Variants in CDYL observed in about 807,000 individuals in gnomAD.
CDYL encodes the protein chromodomain Y like.
In CDYL, 8 loss-of-function variants were observed where a neutral mutation model predicts 47.3. The observed-to-expected ratio is 0.17, with a 90% CI of 0.10 to 0.31. The LOEUF (loss-of-function observed/expected upper bound fraction) is 0.31, where lower values mean the gene tolerates loss of function less well. Among genes scored for constraint, CDYL ranks in the 10% least tolerant of loss-of-function variants. CDYL has a pLI of 1.00. For synonymous variants in CDYL, 266 were observed against 265.0 expected (o/e 1.00, Z -0.04); for missense variants, 471 against 701.4 (o/e 0.67, Z 3.71).
chr6:4,806,576 T>C (rs973259358), intron 1 of CDYL, among the ~76,000 whole-genome samples: 1 of 152,218 alleles, frequency 6.6e-6, no homozygotes, highest in Admixed American at 6.5e-5. Flanking sequence ...GGAAAGTCTT[T>C]GGGAGGAGCT....
intron 1 of CDYL, among the ~76,000 whole-genome samples, chr6:4,824,573 ATTGTTG>A (rs1168556387): frequency 2.6e-5 from 4 of 151,936 alleles, no homozygotes; most frequent in African/African-American, 9.7e-5. Flanking sequence ...GTTATTTGTC[ATTGTTG>A]TTGAGTTTTG....
intron 2 of CDYL, among the ~76,000 whole-genome samples, chr6:4,906,743 G>C (rs1757248973): frequency 6.6e-6 from 1 of 152,200 alleles, no homozygotes; most frequent in South Asian, 2.1e-4. Context: ...AGCAAACCAA[G>C]AGGAAGAGTG....
chr6:4,850,857 T>C (rs1760803654), intron 1 of CDYL, among the ~76,000 whole-genome samples: 1 of 152,126 alleles, frequency 6.6e-6, no homozygotes, highest in South Asian at 2.1e-4. Flanking sequence ...TTTGAAAAAA[T>C]GTATAATTTG....
At chr6:4,734,179 A>G (rs1026855322) in intron 2 of CDYL, among the ~76,000 whole-genome samples, 1 of 151,924 alleles carries the variant, frequency 6.6e-6, no homozygotes, top group African/African-American at 2.4e-5. Flanking sequence ...TCGGGAAGGG[A>G]GGGGAAAGGA....
In CDYL at chr6:4,935,721, C is replaced by T. The variant is rs765624666; in HGVS notation, c.898C>T (p.His300Tyr). 8.1e-6 allele frequency: 13 copies of T among 1,614,132 alleles called. No individual in the cohort carries two copies. Among genetic ancestry groups the T allele is most frequent in the African/African-American group, 1.3e-5 (1 of 74,946 alleles). Residue 300 changes from histidine to tyrosine, a missense_variant, in exon 3 of 7, where the codon CAC becomes TAC. His to Tyr is a moderately conservative substitution (Grantham distance 83). Transcript: ENST00000397588. ...GGTCAGGAAGCAGGATGGCTTCACCCACATCTTGTTATCCACAAAGTCCTC... is the reference window on the plus strand; with the variant it reads ...GGTCAGGAAGCAGGATGGCTTCACCTACATCTTGTTATCCACAAAGTCCTC... The part of the protein sequence containing the change: ...IVVRKQDGFT[H>Y]ILLSTKSSEN...
At chr6:4,794,060 G>A (rs1169149691) in intron 1 of CDYL, among the ~76,000 whole-genome samples, 1 of 152,082 alleles carries the variant, frequency 6.6e-6, no homozygotes, top group East Asian at 1.9e-4. Flanking sequence ...GAGAATTTTA[G>A]GAGTTATCCA....
In CDYL at chr6:4,769,636, T is replaced by C. The variant is rs1758306785; in HGVS notation, c.186+34792T>C. Among the ~76,000 whole-genome samples, 4 of 152,220 alleles carry C rather than the reference T, an allele frequency of 2.6e-5. No homozygotes were observed. The South Asian group carries it at 8.3e-4, about 32-fold the overall frequency. ...TTATTTGAAAATAATTTTTCAATGA[T>C]TCTGCTTTGCTGGTACCCAAGCATG... On this transcript the variant is annotated intron_variant, in intron 3 of 8. Transcript: ENST00000328908.
intron 1 of CDYL, among the ~76,000 whole-genome samples, chr6:4,887,968 C>A (rs548003814): frequency 1.3e-5 from 2 of 151,486 alleles, no homozygotes; most frequent in Non-Finnish European, 2.9e-5. Context: ...GATTTTTTCC[C>A]CTTTATTCTA....
intron 2 of CDYL, 137 bp downstream of exon 2, chr6:4,892,516 TCTC>T (rs1483817240): frequency 3.4e-6 from 3 of 879,480 alleles, no homozygotes; most frequent in Admixed American, 2.9e-5. Flanking sequence ...GATTTCGCCT[TCTC>T]CTTTCTTCGC....
chr6:4,728,019 G>T (rs997115766), intron 2 of CDYL, among the ~76,000 whole-genome samples: 1 of 152,078 alleles, frequency 6.6e-6, no homozygotes, highest in African/African-American at 2.4e-5. Flanking sequence ...TTGGTTAGAG[G>T]GTTTACAACT....
intron 1 of CDYL, among the ~76,000 whole-genome samples, chr6:4,814,470 A>G (rs1351380655): frequency 6.6e-6 from 1 of 152,138 alleles, no homozygotes; most frequent in Non-Finnish European, 1.5e-5. Context: ...GCTTCAGTTC[A>G]CTGTGAGGAC....
chr6:4,851,668 A>T (rs765694164), intron 1 of CDYL, among the ~76,000 whole-genome samples: 7 of 152,256 alleles, frequency 4.6e-5, no homozygotes, highest in African/African-American at 1.7e-4. Flanking sequence ...TCGCAGACGC[A>T]TTGCATCCAC....
intron 3 of CDYL, among the ~76,000 whole-genome samples, chr6:4,749,707 C>A (rs2127419558): frequency 6.6e-6 from 1 of 152,276 alleles, no homozygotes; most frequent in Admixed American, 6.5e-5. Context: ...GTTATAATCT[C>A]ATCGGAAACC....
intron 3 of CDYL, among the ~76,000 whole-genome samples, chr6:4,747,619 A>G (rs1351620929): frequency 2.6e-5 from 4 of 152,192 alleles, no homozygotes; most frequent in Non-Finnish European, 5.9e-5. Context: ...AGCCTGTACC[A>G]GCACTTAGTG....
chr6:4,891,639 T>C, intron 1 of CDYL, 74 bp from the exon 2 acceptor site: 1 of 1,230,422 alleles, frequency 8.1e-7, no homozygotes, highest in Non-Finnish European at 1.1e-6. Context: ...ATTTTTGATG[T>C]TTCCTAATGA....
At chr6:4,909,949 C>T (rs1757359867) in intron 2 of CDYL, among the ~76,000 whole-genome samples, 1 of 152,094 alleles carries the variant, frequency 6.6e-6, no homozygotes, top group South Asian at 2.1e-4. Context: ...TTCCAATATG[C>T]TAGGCTCCCT....
At chr6:4,784,541 T>C (rs780158137) in intron 1 of CDYL, among the ~76,000 whole-genome samples, 26 of 152,374 alleles carry the variant, frequency 1.7e-4, no homozygotes, top group Admixed American at 7.2e-4. Context: ...GGACTGTTTA[T>C]GAAAATGGAT....
chr6:4,860,281 C>T (rs1052639283), intron 1 of CDYL, among the ~76,000 whole-genome samples: 11 of 151,954 alleles, frequency 7.2e-5, no homozygotes, highest in Non-Finnish European at 1.3e-4. Flanking sequence ...GTTAACGTTT[C>T]GTTACGTGTG....
chr6:4,939,318 T>TAG (rs958249570), intron 4 of CDYL, among the ~76,000 whole-genome samples: 9 of 151,948 alleles, frequency 5.9e-5, no homozygotes, highest in Admixed American at 3.3e-4. Flanking sequence ...GAGTCTGGGG[T>TAG]AGGCAGGGAC....
Sources: gnomAD v4.1 joint callset for allele counts (sites outside exome capture counted in the v4.1 genomes callset) on GRCh38, gnomAD v4.1.1 for gene constraint, MANE v1.5 for transcripts, NCBI Gene and HGNC (gene_info 2026-07-23, HGNC 2026-07-21) for gene names.